DHX36: variants seen among roughly 807,000 people sequenced by gnomAD.
DHX36 encodes the protein ATP-dependent DNA/RNA helicase DHX36.
DHX36 carries 50 observed loss-of-function variants against 139.0 expected under a neutral mutation model. The ratio of observed to expected loss-of-function variants is 0.36; its 90% CI spans 0.29 to 0.46. The LOEUF (loss-of-function observed/expected upper bound fraction) is 0.46. DHX36 is among the 20% of genes least tolerant of loss of function. The pLI is 1.00. For missense variants in DHX36, 1,024 were observed against 1,211.3 expected (o/e 0.85, Z 2.29); for synonymous variants, 425 against 401.9 (o/e 1.06, Z -0.69).
rs569659311 is a variant in DHX36 at position 154,295,456 on chromosome 3, T to C, written c.1550-117A>G. 186 of 463,702 alleles carry C rather than the reference T, an allele frequency of 4.0e-4. 8 individuals carry two copies. The South Asian group carries it at 6.5e-3, about 16-fold the overall frequency. The allele number at this position is 463,702 out of a possible 1,614,324, so 28.7% of individuals were successfully genotyped here. On this transcript the variant is annotated intron_variant, in intron 12 of 24. Transcript: ENST00000496811. ...ACTCAATTCTTTTTTTGATAAGACA[T>C]TGAACATTATTTAATGAAAACAGCT...
rs964073329 is a variant in DHX36, at chr3:154,323,782, T to C, written c.243+392A>G. Among the ~76,000 whole-genome samples the C allele has an allele frequency of 2.0e-5, 3 of 152,268 alleles. No homozygotes were observed. In the East Asian group the frequency reaches 5.8e-4, roughly 29 times the overall value. ...CAAACCTATCTCAAATGTAGAAAGG[T>C]CGCTATGTGCTTCTTCACCAGGCAA... is the stretch of plus-strand genomic sequence containing the variant. On this transcript the variant is annotated intron_variant, in intron 1 of 24. Coordinates refer to ENST00000496811, the MANE Select transcript of DHX36 (RefSeq NM_020865.3).
chr3:154,316,105 G>T lies in DHX36; in HGVS notation c.302C>A (p.Ser101Tyr), dbSNP rs758881420. The T allele has an allele frequency of 6.2e-7, 1 of 1,613,364 alleles. No homozygotes were observed. The highest frequency in any genetic ancestry group is 1.1e-5 in the South Asian group (1 of 91,038). The stretch of plus-strand genomic sequence containing the variant: ...CTCTTTATCATTCTTCGCTTGAACA[G>T]AATTCAGTAACTGTACAATTTGTTC... Reference protein sequence around the residue: ...REEQIVQLLNSVQAKNDKESE... With the variant: ...REEQIVQLLNYVQAKNDKESE... The change falls in exon 2 of 25, where the codon TCT becomes TAT. Residue 101 changes from serine (S) to tyrosine (Y), a missense_variant. Coordinates refer to ENST00000496811, the MANE Select transcript of DHX36 (RefSeq NM_020865.3).
At chr3:154,300,928 C>T in intron 10 of DHX36, 59 bp downstream of exon 10, 1 of 1,595,176 alleles carries the variant, frequency 6.3e-7, no homozygotes, top group East Asian at 2.2e-5. Flanking sequence ...TGCCCCCAGC[C>T]TCTGGCTTTT....
intron 12 of DHX36, among the ~76,000 whole-genome samples, chr3:154,296,121 A>G (rs1431018693): frequency 6.6e-6 from 1 of 152,184 alleles, no homozygotes; most frequent in Non-Finnish European, 1.5e-5. Flanking sequence ...TTTTAGAGCA[A>G]ATTACTTATT....
chr3:154,297,125 G>A (rs545977954), intron 12 of DHX36, among the ~76,000 whole-genome samples: 59 of 152,278 alleles, frequency 3.9e-4, no homozygotes, highest in African/African-American at 1.3e-3. Context: ...AGCAGGGAGT[G>A]GAGGGGAGCA....
chr3:154,314,886 C>T (rs1050255988), intron 3 of DHX36, 160 bp downstream of exon 3: 1 of 586,960 alleles, frequency 1.7e-6, no homozygotes, highest in African/African-American at 1.9e-5. Context: ...CTTCCATTCC[C>T]ACTGCTTTTC....
chr3:154,308,907 G>C (rs895496902), intron 5 of DHX36, among the ~76,000 whole-genome samples: 4 of 152,036 alleles, frequency 2.6e-5, no homozygotes, highest in African/African-American at 9.7e-5. Context: ...ACTGACTATG[G>C]CTGGACACAG....
rs1719030786 is a variant in DHX36 at position 154,272,606 on chromosome 3, C to A, written c.*3565G>T. 6.6e-6 allele frequency: 1 copy of A among 150,470 alleles called. No homozygotes were observed. The highest frequency in any genetic ancestry group is 2.1e-4 in the South Asian group (1 of 4,782). 9.3% of individuals were successfully genotyped at this position (150,470 alleles called of 1,614,324 possible). A position where few individuals can be genotyped will look rare whatever the true frequency, so the allele number is the denominator to read the frequency against. On this transcript the variant is annotated 3_prime_UTR_variant, in exon 25 of 25. Transcript: ENST00000496811. ...AAATTTATTATATATAAAATAATAC[C>A]TAAAGTTTATATATATCAAAATGGA...
At chr3:154,283,070 A>T in intron 20 of DHX36, 118 bp downstream of exon 20, 1 of 704,302 alleles carries the variant, frequency 1.4e-6, no homozygotes, top group Non-Finnish European at 2.5e-6. Flanking sequence ...GTATATATAC[A>T]AATATACTCA....
In DHX36 at chr3:154,283,213, T is replaced by A. The variant is rs765164564; in HGVS notation, c.2351A>T (p.Tyr784Phe). The A allele has an allele frequency of 6.2e-7, 1 of 1,613,696 alleles. No individual in the cohort carries two copies. Among genetic ancestry groups the A allele is most frequent in the South Asian group, 1.1e-5 (1 of 91,060 alleles). Residue 784 changes from tyrosine to phenylalanine, a missense_variant, in exon 20 of 25, where the codon TAT becomes TTT. Tyr to Phe is a conservative substitution (Grantham distance 22). Around this residue, in one of 4 missense-constraint regions of DHX36, gnomAD observed 470 missense variants for 616.2 expected, o/e 0.76. Coordinates refer to ENST00000496811, the MANE Select transcript of DHX36 (RefSeq NM_020865.3). The stretch of plus-strand genomic sequence containing the variant: ...CTGCAGTGTGTTTGAAGACAGAAAA[T>A]ATTCCCAGCAATAGTCCTTTTCGTA... ...FRYEKDYCWE[Y>F]FLSSNTLQML... is the part of the protein sequence containing the mutation.
chr3:154,276,917 G>A lies in DHX36; in HGVS notation c.2689-18C>T, dbSNP rs764846473. 79 of 1,599,770 alleles carry A rather than the reference G, an allele frequency of 4.9e-5. 1 individual carries two copies. Among genetic ancestry groups the A allele is most frequent in the Middle Eastern group, 3.3e-4 (2 of 6,004 alleles). ...AAGTATATCTGTAATGAAAATTAAA[G>A]TGAATTAATACATTCAGGAGTCTGA... On this transcript the variant is annotated intron_variant, in intron 23 of 24. Coordinates refer to ENST00000496811, the MANE Select transcript of DHX36 (RefSeq NM_020865.3).
chr3:154,289,640 T>C, intron 16 of DHX36, 69 bp downstream of exon 16: 1 of 921,384 alleles, frequency 1.1e-6, no homozygotes, highest in Non-Finnish European at 1.8e-6. Context: ...ATACAGTACT[T>C]TGTTCTACAA....
chr3:154,285,429 G>C (rs9873603), intron 17 of DHX36, among the ~76,000 whole-genome samples: 42,503 of 152,026 alleles, frequency 0.28, 6,697 homozygotes, highest in South Asian at 0.4. Flanking sequence ...AAATGGGAGT[G>C]ACTTCTGCTC....
chr3:154,316,078 G>A lies in DHX36; in HGVS notation c.329C>T (p.Ser110Leu), dbSNP rs572056315. ...AGCAAACCAGGATATCTGTGCTTCT[G>A]ACTCTTTATCATTCTTCGCTTGAAC... ...NSVQAKNDKE[S>L]EAQISWFAPE... Residue 110 changes from serine (S) to leucine (L), a missense_variant, in exon 2 of 25, where the codon TCA (serine) becomes TTA (leucine). Physicochemically the swap from Ser to Leu is moderately radical, Grantham distance 145. This residue lies in a region of DHX36 where 293 missense variants were observed against 274.4 expected (regional missense o/e 1.07). Coordinates refer to ENST00000496811, the MANE Select transcript of DHX36 (RefSeq NM_020865.3). The A allele has an allele frequency of 1.9e-6, 3 of 1,613,040 alleles. No individual in the cohort carries two copies. Among genetic ancestry groups the A allele is most frequent in the African/African-American group, 1.3e-5 (1 of 74,830 alleles).
At chr3:154,318,804 T>C (rs1381648917) in intron 1 of DHX36, among the ~76,000 whole-genome samples, 3 of 152,162 alleles carry the variant, frequency 2.0e-5, no homozygotes, top group East Asian at 1.9e-4. Context: ...AGTTGTGTAG[T>C]AGGATCTTGT....
rs778672507 is a variant in DHX36 at position 154,293,756 on chromosome 3, C to T, written c.1662G>A (p.Ala554=). ...TTTAAAACTATTTTTACCTAGTCTC[C>T]GCAATGTTGGTAGCAATTACTATTT... The part of the protein sequence containing the change: ...VRKIVIATNI[A]ETSITIDDVV... Residue 554 remains alanine (A), a synonymous_variant, in exon 14 of 25, where the codon GCG becomes GCA. Coordinates refer to ENST00000496811, the MANE Select transcript of DHX36 (RefSeq NM_020865.3). 9.3e-6 allele frequency: 15 copies of T among 1,612,140 alleles called. No individual in the cohort carries two copies. The East Asian group carries it at 1.6e-4, about 17-fold the overall frequency.
At chr3:154,310,809 ATATATATATATATATATATATATATATAT>A (rs1712721492) in intron 4 of DHX36, among the ~76,000 whole-genome samples, 1 of 23,114 alleles carries the variant, frequency 4.3e-5, no homozygotes, top group African/African-American at 2.0e-4. Flanking sequence ...AAAAAAAAAT[ATATATATATATATATATATATATATATAT>A]ATATATATAT....
At chr3:154,300,760 A>C in intron 10 of DHX36, 64 bp from the exon 11 acceptor site, 1 of 1,440,158 alleles carries the variant, frequency 6.9e-7, no homozygotes, top group Non-Finnish European at 9.7e-7. Context: ...TTGCTACAAA[A>C]GCTTAAAATT....
chr3:154,288,731 G>A (rs1711659368), intron 17 of DHX36, 135 bp downstream of exon 17: 1 of 435,534 alleles, frequency 2.3e-6, no homozygotes, highest in Admixed American at 4.3e-5. Flanking sequence ...TAAATTGATA[G>A]TCAAATAGCC....
Sources: gnomAD v4.1 joint callset for allele counts (sites outside exome capture counted in the v4.1 genomes callset) on GRCh38, gnomAD v4.1.1 for gene constraint, gnomAD v4.1.1 regional missense constraint, MANE v1.5 for transcripts, NCBI Gene and HGNC (gene_info 2026-07-23, HGNC 2026-07-21) for gene names.